SRP72: variants seen among roughly 807,000 people sequenced by gnomAD.
SRP72 encodes the protein signal recognition particle 72.
In SRP72, 49 loss-of-function variants were observed where a neutral mutation model predicts 96.3. The ratio of observed to expected loss-of-function variants is 0.51; its 90% CI spans 0.40 to 0.65. SRP72 has a LOEUF of 0.65. Among genes scored for constraint, SRP72 ranks in the 30% least tolerant of loss-of-function variants. The pLI, the probability that SRP72 is intolerant of heterozygous loss-of-function variation, is 0.00. For synonymous variants in SRP72, 267 were observed against 275.2 expected (o/e 0.97, Z 0.30); for missense variants, 736 against 793.3 (o/e 0.93, Z 0.87).
At chr4:56,483,060 A>G (rs1237776624) in intron 8 of SRP72, 79 bp from the exon 9 acceptor site, 3 of 1,358,066 alleles carry the variant, frequency 2.2e-6, no homozygotes, top group African/African-American at 3.0e-5. Context: ...CTCCTGCTGT[A>G]TCTATATAAA....
At chr4:56,479,155 A>G (rs1720367760) in intron 8 of SRP72, among the ~76,000 whole-genome samples, 1 of 151,984 alleles carries the variant, frequency 6.6e-6, no homozygotes. Context: ...TACTAATGTC[A>G]TTAGCCACCA....
chr4:56,487,466 A>G (rs1720753265), intron 11 of SRP72, among the ~76,000 whole-genome samples: 2 of 152,020 alleles, frequency 1.3e-5, no homozygotes, highest in African/African-American at 4.8e-5. Context: ...ATTACTGACA[A>G]TCTGTCATGG....
At chr4:56,477,623 T>G (rs973940182) in intron 6 of SRP72, among the ~76,000 whole-genome samples, 1 of 152,136 alleles carries the variant, frequency 6.6e-6, no homozygotes, top group Admixed American at 6.6e-5. Flanking sequence ...TTTTTAAGTT[T>G]TATCATTTCC....
In SRP72 at chr4:56,502,915, C is replaced by G. The variant is rs1300829024; in HGVS notation, c.*1054C>G. 6.6e-6 allele frequency: 1 copy of G among 152,096 alleles called. No individual in the cohort carries two copies. The highest frequency in any genetic ancestry group is 1.5e-5 in the Non-Finnish European group (1 of 68,006). The allele number at this position is 152,096 out of a possible 1,614,324, so 9.4% of individuals were successfully genotyped here. A position where few individuals can be genotyped will look rare whatever the true frequency, so the allele number is the denominator to read the frequency against. On this transcript the variant is annotated 3_prime_UTR_variant, in exon 19 of 19. Coordinates refer to ENST00000642900, the MANE Select transcript of SRP72 (RefSeq NM_006947.4). ...GGTGTAAATGTTGCTCTTGTCTTTC[C>G]TTGCTTACAAACTACTTTCACATTG...
At chr4:56,471,351 A>G (rs995808999) in intron 2 of SRP72, among the ~76,000 whole-genome samples, 14 of 152,194 alleles carry the variant, frequency 9.2e-5, no homozygotes, top group Non-Finnish European at 4.4e-5. Flanking sequence ...AATATGGCTT[A>G]TTGTTTTGTT....
chr4:56,486,749 T>C (rs1326180857), intron 11 of SRP72, among the ~76,000 whole-genome samples: 1 of 152,226 alleles, frequency 6.6e-6, no homozygotes, highest in East Asian at 1.9e-4. Flanking sequence ...GTACGACTAC[T>C]TTGCATCATA....
At chr4:56,478,352 T>C in intron 6 of SRP72, 27 bp from the exon 7 acceptor site, 1 of 1,543,106 alleles carries the variant, frequency 6.5e-7, no homozygotes, top group Non-Finnish European at 8.7e-7. Context: ...GGAAAATTTA[T>C]ATGGGAAAAA....
intron 5 of SRP72, 150 bp downstream of exon 5, chr4:56,474,541 TC>T: frequency 2.8e-6 from 2 of 708,394 alleles, no homozygotes; most frequent in Non-Finnish European, 2.3e-6. Context: ...TCTTTCTCTC[TC>T]TTTTTTTTTT....
At chr4:56,475,804 A>G (rs1017927027) in intron 5 of SRP72, 1 of 152,212 alleles carries the variant, frequency 6.6e-6, no homozygotes, top group Non-Finnish European at 1.5e-5. Context: ...CTTTGATCCA[A>G]TAATTTCACT....
At chr4:56,494,686 G>A (rs1721018953) in intron 16 of SRP72, among the ~76,000 whole-genome samples, 1 of 152,110 alleles carries the variant, frequency 6.6e-6, no homozygotes, top group Non-Finnish European at 1.5e-5. Context: ...TTACAGACGT[G>A]AGCCACTGTT....
At chr4:56,481,897 C>T (rs1720504854) in intron 8 of SRP72, among the ~76,000 whole-genome samples, 2 of 150,804 alleles carry the variant, frequency 1.3e-5, no homozygotes, top group South Asian at 4.2e-4. Flanking sequence ...TTCTGAGTAG[C>T]TGGGACTAGC....
rs1224432747 is a variant in SRP72 at position 56,469,725 on chromosome 4, T to A, written c.182T>A (p.Phe61Tyr). The change falls in exon 2 of 19, where the codon TTC (phenylalanine) becomes TAC (tyrosine). Residue 61 changes from phenylalanine to tyrosine, a missense_variant. Coordinates refer to ENST00000642900, the MANE Select transcript of SRP72 (RefSeq NM_006947.4). ...KVVCLIQNGSFKEALNVINTH... is the reference protein window; with the variant it reads ...KVVCLIQNGSYKEALNVINTH... ...GTATGCCTTATCCAGAATGGAAGTT[T>A]CAAGGAAGCTTTGAATGTCATCAAT... The A allele has an allele frequency of 6.2e-7, 1 of 1,612,758 alleles. No homozygotes were observed. Among genetic ancestry groups the A allele is most frequent in the Non-Finnish European group, 8.5e-7 (1 of 1,179,116 alleles).
At chr4:56,484,974 T>C in intron 10 of SRP72, 110 bp downstream of exon 10, 1 of 1,295,818 alleles carries the variant, frequency 7.7e-7, no homozygotes, top group Non-Finnish European at 1.0e-6. Context: ...TAATCAGAAA[T>C]GTACCACTAC....
intron 16 of SRP72, among the ~76,000 whole-genome samples, chr4:56,492,954 C>T (rs1044584623): frequency 2.6e-5 from 4 of 152,078 alleles, no homozygotes; most frequent in Non-Finnish European, 5.9e-5. Context: ...CACTGCACCC[C>T]AGCCTGAGTG....
chr4:56,471,864 C>T (rs1719993096), intron 3 of SRP72, 21 bp downstream of exon 3: 2 of 1,612,818 alleles, frequency 1.2e-6, no homozygotes, highest in Non-Finnish European at 1.7e-6. Context: ...CTTTTAAATA[C>T]ATGTTGACAG....
At chr4:56,501,294 G>A (rs1721254195) in intron 18 of SRP72, among the ~76,000 whole-genome samples, 1 of 152,054 alleles carries the variant, frequency 6.6e-6, no homozygotes, top group Non-Finnish European at 1.5e-5. Flanking sequence ...TGTAATCCCA[G>A]CTACTCGGGT....
At chr4:56,477,573 G>A (rs539704922) in intron 6 of SRP72, among the ~76,000 whole-genome samples, 2 of 151,962 alleles carry the variant, frequency 1.3e-5, no homozygotes, top group Non-Finnish European at 1.5e-5. Context: ...GATTACAGGC[G>A]TGAACCACCA....
intron 3 of SRP72, among the ~76,000 whole-genome samples, chr4:56,473,363 C>T (rs1341968162): frequency 1.3e-5 from 2 of 150,646 alleles, no homozygotes; most frequent in African/African-American, 4.9e-5. Flanking sequence ...GAGGCTGAGG[C>T]GGGAGAATGG....
In SRP72 at chr4:56,484,749, G is replaced by T. The variant is rs149517121; in HGVS notation, c.971G>T (p.Arg324Leu). Residue 324 changes from arginine (R) to leucine (L), a missense_variant, in exon 10 of 19, where the codon CGC (arginine) becomes CTC (leucine). Transcript: ENST00000642900. ...AMYTNQAEQC[R>L]KISASLQSQS... ...GATATCTTCTAGGCTGAACAATGCC[G>T]CAAAATATCTGCCAGTTTACAGTCC... 3.7e-6 allele frequency: 6 copies of T among 1,613,950 alleles called. No individual in the cohort carries two copies. The East Asian group carries it at 1.3e-4, about 36-fold the overall frequency.
Sources: allele counts gnomAD v4.1 joint callset (sites outside exome capture counted in the v4.1 genomes callset), GRCh38; gene constraint gnomAD v4.1.1; transcripts MANE v1.5; gene names NCBI Gene and HGNC (gene_info 2026-07-23, HGNC 2026-07-21).